The following EYA4 variants were observed in gnomAD, a reference collection of about 807,000 sequenced individuals.
The protein encoded by EYA4 is EYA transcriptional coactivator and phosphatase 4.
In EYA4, 31 loss-of-function variants were observed where a neutral mutation model predicts 87.9. That is an observed-to-expected ratio of 0.35 (90% CI 0.27 to 0.48). The LOEUF (loss-of-function observed/expected upper bound fraction) is 0.48, where lower values mean the gene tolerates loss of function less well. Ranked by LOEUF, EYA4 falls within the 20% of genes least tolerant of loss-of-function variation. The pLI, the probability that EYA4 is intolerant of heterozygous loss-of-function variation, is 0.99. For synonymous variants in EYA4, 263 were observed against 270.6 expected, an observed-to-expected ratio of 0.97 and a Z score of 0.28; for missense variants, 678 against 761.4, an observed-to-expected ratio of 0.89 and a Z score of 1.29.
intron 3 of EYA4, among the ~76,000 whole-genome samples, chr6:133,424,018 G>A (rs780588239): frequency 3.9e-5 from 6 of 152,184 alleles, no homozygotes; most frequent in Admixed American, 6.5e-5. Flanking sequence ...TATGTCATCC[G>A]TGGAGTGTTC....
intron 16 of EYA4, 64 bp downstream of exon 16, chr6:133,513,102 T>C (rs1583520458): frequency 1.4e-6 from 2 of 1,464,366 alleles, no homozygotes; most frequent in East Asian, 2.3e-5. Context: ...AATCTGTAGT[T>C]TCATGTTAAA....
intron 2 of EYA4, among the ~76,000 whole-genome samples, chr6:133,339,640 G>A (rs767549647): frequency 2.0e-5 from 3 of 152,146 alleles, no homozygotes; most frequent in Admixed American, 6.6e-5. Context: ...AATGAAACAC[G>A]ACAGCCAGAA....
intron 1 of EYA4, among the ~76,000 whole-genome samples, chr6:133,269,452 A>G (rs1421342909): frequency 6.6e-6 from 1 of 152,152 alleles, no homozygotes; most frequent in Non-Finnish European, 1.5e-5. Context: ...CACATTATAT[A>G]CATGTGTTAT....
rs1325390062 is a variant in EYA4, at chr6:133,357,266, G to A, written c.34-25126G>A. The stretch of plus-strand genomic sequence containing the variant: ...AGCCTGGGCGACAGAGCGAGACTCC[G>A]TCTCAAAAAAAAAAAAAAAAAAAAA... On this transcript the variant is annotated intron_variant, in intron 2 of 19. Coordinates refer to ENST00000355286, the MANE Select transcript of EYA4 (RefSeq NM_004100.5). 5.8e-4 allele frequency among the ~76,000 whole-genome samples: 41 copies of A among 71,136 alleles called. 1 individual carries two copies. In the Admixed American group the frequency reaches 7.5e-3, roughly 13 times the overall value. 46.7% of individuals were successfully genotyped at this position (71,136 alleles called of 152,430 possible).
intron 3 of EYA4, among the ~76,000 whole-genome samples, chr6:133,394,292 T>TTTGG (rs1246618251): frequency 0.026 from 725 of 28,070 alleles, 19 homozygotes; most frequent in African/African-American, 0.036. Flanking sequence ...GTGTTTTTTT[T>TTTGG]TTTTTTTTTT....
At chr6:133,262,994 A>G (rs1775921328) in intron 1 of EYA4, among the ~76,000 whole-genome samples, 1 of 152,178 alleles carries the variant, frequency 6.6e-6, no homozygotes, top group South Asian at 2.1e-4. Context: ...ACAGTTGGCC[A>G]TAGAATTGGA....
chr6:133,359,374 T>A (rs1358246992), intron 2 of EYA4, among the ~76,000 whole-genome samples: 1 of 152,198 alleles, frequency 6.6e-6, no homozygotes, highest in Non-Finnish European at 1.5e-5. Context: ...AATCAGTCAC[T>A]GAAATGAAAC....
At chr6:133,361,135 T>C (rs1784419862) in intron 2 of EYA4, among the ~76,000 whole-genome samples, 1 of 152,196 alleles carries the variant, frequency 6.6e-6, no homozygotes, top group Admixed American at 6.5e-5. Flanking sequence ...TGTTAGATTG[T>C]CAAAAACATC....
chr6:133,486,302 T>C (rs1032800431), intron 13 of EYA4, among the ~76,000 whole-genome samples: 2 of 151,530 alleles, frequency 1.3e-5, no homozygotes, highest in African/African-American at 4.9e-5. Context: ...CAGTAATAAA[T>C]AATATCTTGG....
At position 133,530,731 on chromosome 6, in the gene EYA4, T is replaced by C; in HGVS notation, c.*1926T>C. Reference sequence around the variant, plus strand: ...GAGATCCCAATTTTGTACAAGATTGTGATTTCATTATCTAAACCTTAAACT... The same window carrying C: ...GAGATCCCAATTTTGTACAAGATTGCGATTTCATTATCTAAACCTTAAACT... On this transcript the variant is annotated 3_prime_UTR_variant, in exon 20 of 20. Transcript: ENST00000355286. 1.0e-6 allele frequency: 1 copy of C among 985,620 alleles called. No homozygotes were observed. Among genetic ancestry groups the C allele is most frequent in the Non-Finnish European group, 1.2e-6 (1 of 829,634 alleles). The allele number at this position is 985,620 out of a possible 1,614,324, so 61.1% of individuals were successfully genotyped here.
In EYA4 at chr6:133,261,333, C is replaced by G. The variant is rs564873357; in HGVS notation, c.-65-13383C>G. On this transcript the variant is annotated intron_variant, in intron 1 of 19. Transcript: ENST00000355286. ...TCAAAATATTGTAATAACCAATTGT[C>G]TTAATTGTATTTTGTACTTATTCTC... Among the ~76,000 whole-genome samples the G allele has an allele frequency of 2.0e-5, 3 of 152,282 alleles. No individual in the cohort carries two copies. In the East Asian group the frequency reaches 5.8e-4, roughly 29 times the overall value.
intron 1 of EYA4, among the ~76,000 whole-genome samples, chr6:133,265,309 G>T (rs1161951482): frequency 6.6e-6 from 1 of 151,524 alleles, no homozygotes; most frequent in Non-Finnish European, 1.5e-5. Flanking sequence ...GGCAAAAACC[G>T]CAATTGTTTT....
chr6:133,518,197 A>T (rs978355985), intron 17 of EYA4, among the ~76,000 whole-genome samples: 1 of 151,966 alleles, frequency 6.6e-6, no homozygotes, highest in Non-Finnish European at 1.5e-5. Flanking sequence ...TCTTCTATAT[A>T]AGTTAAAAAA....
At chr6:133,509,025 T>A (rs1324084653) in intron 14 of EYA4, among the ~76,000 whole-genome samples, 5 of 152,202 alleles carry the variant, frequency 3.3e-5, no homozygotes, top group Admixed American at 3.3e-4. Flanking sequence ...GAACTCTCAC[T>A]GTATATGCGT....
At chr6:133,408,033 T>C (rs986616371) in intron 3 of EYA4, among the ~76,000 whole-genome samples, 1 of 152,244 alleles carries the variant, frequency 6.6e-6, no homozygotes. Flanking sequence ...TTTTTCATTA[T>C]GCAAACTTTC....
At chr6:133,425,476 C>G (rs1008765464) in intron 3 of EYA4, among the ~76,000 whole-genome samples, 1 of 150,578 alleles carries the variant, frequency 6.6e-6, no homozygotes, top group Non-Finnish European at 1.5e-5. Context: ...TTGGAAGTCT[C>G]CCTTCTTTCA....
At position 133,531,919 on chromosome 6, in the gene EYA4, A is replaced by C. The variant is rs1431856122; in HGVS notation, c.*3114A>C. On this transcript the variant is annotated 3_prime_UTR_variant, in exon 20 of 20. Coordinates refer to ENST00000355286, the MANE Select transcript of EYA4 (RefSeq NM_004100.5). ...AAACAAACTTAAGCATCATGAGCCA[A>C]AGTTGCACTTTGACTCCCAACTACG... 1 of 152,316 alleles carries C rather than the reference A, an allele frequency of 6.6e-6. No homozygotes were observed. 9.4% of individuals were successfully genotyped at this position (152,316 alleles called of 1,614,324 possible). A position where few individuals can be genotyped will look rare whatever the true frequency, so the allele number is the denominator to read the frequency against.
At chr6:133,420,791 CAGAT>C (rs886857713) in intron 3 of EYA4, among the ~76,000 whole-genome samples, 4 of 152,168 alleles carry the variant, frequency 2.6e-5, no homozygotes, top group Non-Finnish European at 4.4e-5. Flanking sequence ...TACATGCAGA[CAGAT>C]AGAGTTGATG....
intron 2 of EYA4, among the ~76,000 whole-genome samples, chr6:133,345,355 A>G (rs1021441151): frequency 1.3e-5 from 2 of 152,146 alleles, no homozygotes; most frequent in African/African-American, 4.8e-5. Flanking sequence ...ACAAACTAGA[A>G]TTTTCCATAC....
Sources: gnomAD v4.1 joint callset for allele counts (sites outside exome capture counted in the v4.1 genomes callset) on GRCh38, gnomAD v4.1.1 for gene constraint, MANE v1.5 for transcripts, NCBI Gene and HGNC (gene_info 2026-07-23, HGNC 2026-07-21) for gene names.